The following GPR179 variants were observed in gnomAD, a reference collection of about 807,000 sequenced individuals.
GPR179 encodes the protein G protein-coupled receptor 179.
In GPR179, 52 loss-of-function variants were observed where a neutral mutation model predicts 70.8. That is an observed-to-expected ratio of 0.73 (90% CI 0.59 to 0.93). The LOEUF (loss-of-function observed/expected upper bound fraction) is 0.93. Among genes scored for constraint, GPR179 ranks in the 40% least tolerant of loss-of-function variants. GPR179 has a pLI of 0.00. For synonymous variants in GPR179, 1,123 were observed against 1,169.0 expected (o/e 0.96, Z 0.80); for missense variants, 2,734 against 2,966.8 (o/e 0.92, Z 1.82).
Position 38,328,435 on chromosome 17 carries a change from C to T in GPR179, c.5134G>A (p.Gly1712Arg), listed in dbSNP as rs751224516. 4 of 1,614,162 alleles carry T rather than the reference C, an allele frequency of 2.5e-6. No individual in the cohort carries two copies. The South Asian group carries it at 3.3e-5, about 13-fold the overall frequency. Residue 1712 changes from glycine to arginine, a missense_variant, in exon 11 of 11, where the codon GGA becomes AGA. By Grantham distance (125) the Gly-to-Arg change is moderately radical. Transcript: ENST00000616987. ...AEICPWEVGA[G>R]AGEERALGAE... ...CCCAAAGCCCTTTCCTCCCCTGCTC[C>T]AGCACCCACCTCCCAGGGACAGATT...
chr17:38,342,911 A>C, intron 1 of GPR179, 85 bp downstream of exon 1: 1 of 1,358,744 alleles, frequency 7.4e-7, no homozygotes, highest in Non-Finnish European at 1.0e-6. Flanking sequence ...GTTCGTGCCA[A>C]ATGGCCCAGG....
At chr17:38,342,861 T>G in intron 1 of GPR179, 135 bp downstream of exon 1, 1 of 819,832 alleles carries the variant, frequency 1.2e-6, no homozygotes, top group Non-Finnish European at 1.9e-6. Context: ...CACAGCTGAG[T>G]ACAAATACCC....
Position 38,331,055 on chromosome 17 carries a change from C to T in GPR179, c.2514G>A (p.Gln838=). The T allele has an allele frequency of 6.2e-7, 1 of 1,607,228 alleles. No homozygotes were observed. The highest frequency in any genetic ancestry group is 8.5e-7 in the Non-Finnish European group (1 of 1,179,902). The part of the protein sequence containing the change: ...RLPRARPASL[Q]KSLSVASSRE... Reference sequence around the variant, plus strand: ...TGGAGCTGGCCACACTGAGCGACTTCTGCAGAGAGGCGGGCCGGGCTCTGG... The same window carrying T: ...TGGAGCTGGCCACACTGAGCGACTTTTGCAGAGAGGCGGGCCGGGCTCTGG... Residue 838 remains glutamine (Q), a synonymous_variant, in exon 11 of 11, where the codon CAG becomes CAA. Coordinates refer to ENST00000616987, the MANE Select transcript of GPR179 (RefSeq NM_001004334.4).
At position 38,328,872 on chromosome 17, in the gene GPR179, C is replaced by A; in HGVS notation, c.4697G>T (p.Gly1566Val). ...KAGSQFLCNG[G>V]SRATQVCPQE... ...TGGACACACCTGCGTTGCTCTGCTT[C>A]CTCCATTGCATAGGAATTGGCTACC... Residue 1566 changes from glycine (G) to valine (V), a missense_variant, in exon 11 of 11, where the codon GGA becomes GTA. Physicochemically the swap from Gly to Val is moderately radical, Grantham distance 109 (BLOSUM62 -3). Coordinates refer to ENST00000616987, the MANE Select transcript of GPR179 (RefSeq NM_001004334.4). 6.2e-7 allele frequency: 1 copy of A among 1,613,766 alleles called. No homozygotes were observed. The highest frequency in any genetic ancestry group is 8.5e-7 in the Non-Finnish European group (1 of 1,179,954).
At position 38,331,466 on chromosome 17, in the gene GPR179, G is replaced by C; in HGVS notation, c.2103C>G (p.Asn701Lys). 1 of 1,614,108 alleles carries C rather than the reference G, an allele frequency of 6.2e-7. No individual in the cohort carries two copies. The highest frequency in any genetic ancestry group is 8.5e-7 in the Non-Finnish European group (1 of 1,179,950). Reference protein sequence around the residue: ...VHKTKEMAANNPHLPKKRGSS... With the variant: ...VHKTKEMAANKPHLPKKRGSS... ...TGCCTCGCTTCTTGGGCAGGTGGGG[G>C]TTGTTTGCGGCCATTTCCTTGGTTT... Residue 701 changes from asparagine (N) to lysine (K), a missense_variant, in exon 11 of 11, where the codon AAC (asparagine) becomes AAG (lysine). Transcript: ENST00000616987.
chr17:38,338,308 A>G (rs1289792393), intron 2 of GPR179, among the ~76,000 whole-genome samples: 2 of 152,250 alleles, frequency 1.3e-5, no homozygotes, highest in Non-Finnish European at 2.9e-5. Context: ...TTTGCCCGGC[A>G]GGGGACAGAG....
At position 38,335,120 on chromosome 17, in the gene GPR179, C is replaced by A. The variant is rs201283251; in HGVS notation, c.1558G>T (p.Ala520Ser). ...VGALERGIQH[A>S]PLVIRGHTPS... ...GTGTGGCCTCGGATCACCAGAGGTG[C>A]GTGCTGGATGCCTCGCTCCAGGGCG... is the stretch of plus-strand genomic sequence containing the variant. The change falls in exon 7 of 11, where the codon GCA (alanine) becomes TCA (serine). Residue 520 changes from alanine to serine, a missense_variant. Ala to Ser is a moderately conservative substitution (Grantham distance 99, BLOSUM62 1). Coordinates refer to ENST00000616987, the MANE Select transcript of GPR179 (RefSeq NM_001004334.4). The A allele has an allele frequency of 1.8e-4, 286 of 1,608,668 alleles. No individual in the cohort carries two copies. In the African/African-American group the frequency reaches 3.4e-3, roughly 19 times the overall value.
At chr17:38,332,235 G>GGCCT (rs2037366369) in intron 10 of GPR179, among the ~76,000 whole-genome samples, 1 of 152,132 alleles carries the variant, frequency 6.6e-6, no homozygotes, top group African/African-American at 2.4e-5. Flanking sequence ...CTGCTTTGTG[G>GGCCT]GCCTGTAAAC....
In GPR179 at chr17:38,334,779, G is replaced by T. The variant is rs373958918; in HGVS notation, c.1709C>A (p.Ala570Asp). 3 of 1,613,598 alleles carry T rather than the reference G, an allele frequency of 1.9e-6. No homozygotes were observed. Among genetic ancestry groups the T allele is most frequent in the Admixed American group, 3.3e-5 (2 of 60,006 alleles). The change falls in exon 8 of 11, where the codon GCC becomes GAC. Residue 570 changes from alanine to aspartate, a missense_variant. Coordinates refer to ENST00000616987, the MANE Select transcript of GPR179 (RefSeq NM_001004334.4). This position sits in a 1 kb window ranked among gnomAD's most constrained non-coding sequence, Gnocchi z 4.7. ...GCCCATGTAGCGTGGCTCATGGAAG[G>T]CCGAGAGCACAGCCCGTGTGGCGTA... ...LCYATRAVLS[A>D]FHEPRYMGIA...
chr17:38,340,882 C>T (rs1250418463), intron 1 of GPR179, among the ~76,000 whole-genome samples: 1 of 152,228 alleles, frequency 6.6e-6, no homozygotes, highest in African/African-American at 2.4e-5. Flanking sequence ...GGCGCCACTA[C>T]ACTTCAGCCT....
At position 38,329,878 on chromosome 17, in the gene GPR179, G is replaced by A; in HGVS notation, c.3691C>T (p.Gln1231Ter). The stretch of plus-strand genomic sequence containing the variant: ...CTGTGGTCAGCGCTGCCCAGGGACT[G>A]GAGGCCAGCTTTGGGCAGTTCCTGC... ...GWQELPKAGL[Q>*]SLGSADHRVA... The change falls in exon 11 of 11, where the codon CAG becomes TAG. Residue 1231 changes from glutamine to a stop codon, truncating the protein, a stop_gained. Transcript: ENST00000616987. LOFTEE classifies it low-confidence loss of function (END_TRUNC). The A allele has an allele frequency of 1.2e-6, 2 of 1,614,164 alleles. No homozygotes were observed. The highest frequency in any genetic ancestry group is 2.2e-5 in the East Asian group (1 of 44,888).
Position 38,329,063 on chromosome 17 carries a change from AAG to A in GPR179, c.4504_4505del (p.Leu1502SerfsTer57). On this transcript the variant is annotated frameshift_variant, in exon 11 of 11. Transcript: ENST00000616987. LOFTEE classifies it low-confidence loss of function (END_TRUNC). The part of the protein sequence containing the change: ...MLSLGTGRES[L>X]QEKEKASRKG... ...TTCTGGAGGCTTTTTCCTTTTCTTG[AAG>A]AGATTCTCTACCTGTCCCCAGACTC... 1.2e-6 allele frequency: 2 copies of A among 1,613,554 alleles called. No homozygotes were observed. The highest frequency in any genetic ancestry group is 1.7e-6 in the Non-Finnish European group (2 of 1,179,904).
At position 38,326,489 on chromosome 17, in the gene GPR179, A is replaced by C. The variant is rs58740367; in HGVS notation, c.7080T>G (p.Thr2360=). The change falls in exon 11 of 11, where the codon ACT becomes ACG. Residue 2360 remains threonine (T), a synonymous_variant. Transcript: ENST00000616987. The part of the protein sequence containing the change: ...EAQYEEFTPP[T]VYPWDWE ...GTTACTCCCAATCCCAAGGATAGAC[A>C]GTGGGAGGGGTGAATTCTTCATACT... 9.5e-3 allele frequency: 15,332 copies of C among 1,610,012 alleles called. 1,296 individuals carry two copies. The African/African-American group carries it at 0.18, about 19-fold the overall frequency.
Position 38,330,917 on chromosome 17 carries a change from C to T in GPR179, c.2652G>A (p.Arg884=), listed in dbSNP as rs2037351035. Residue 884 remains arginine (R), a synonymous_variant, in exon 11 of 11, where the codon CGG becomes CGA. Transcript: ENST00000616987. ...GCTCCAGCCTCCTGGCTGATGGCCT[C>T]CGCACCAGGCTGGCCATGGCTGCCT... The part of the protein sequence containing the change: ...KAKAAMASLV[R]RPSARRLERP... 10 of 1,607,342 alleles carry T rather than the reference C, an allele frequency of 6.2e-6. No homozygotes were observed. Among genetic ancestry groups the T allele is most frequent in the Non-Finnish European group, 8.5e-6 (10 of 1,177,440 alleles).
In GPR179 at chr17:38,343,294, C is replaced by T; in HGVS notation, c.496G>A (p.Ala166Thr). Residue 166 changes from alanine (A) to threonine (T), a missense_variant, in exon 1 of 11, where the codon GCC becomes ACC. Physicochemically the swap from Ala to Thr is moderately conservative, Grantham distance 58. Transcript: ENST00000616987. This position sits in a 1 kb window ranked among gnomAD's most constrained non-coding sequence, Gnocchi z 4.2. ...ATGGTTTCCTCCCCAGTCCGGGTGGCCTGCAGGGCCAGCTGTAGGTGGCTG... is the reference window on the plus strand; with the variant it reads ...ATGGTTTCCTCCCCAGTCCGGGTGGTCTGCAGGGCCAGCTGTAGGTGGCTG... ...GASHLQLALQATRTGEETILQ... is the reference protein window; with the variant it reads ...GASHLQLALQTTRTGEETILQ... The T allele has an allele frequency of 6.2e-7, 1 of 1,614,180 alleles. No homozygotes were observed. The highest frequency in any genetic ancestry group is 8.5e-7 in the Non-Finnish European group (1 of 1,180,020).
rs1290983704 is a variant in GPR179 at position 38,328,147 on chromosome 17, C to T, written c.5422G>A (p.Glu1808Lys). ...TTGGCTTTTTCACTGGTAGCAGCTT[C>T]CTGTGCTTCCCAGGGACACACTTCA... ...PGEVCPWEAQ[E>K]AATSEKAKIC... The change falls in exon 11 of 11, where the codon GAA becomes AAA. Residue 1808 changes from glutamate (E) to lysine (K), a missense_variant. Glu to Lys is a moderately conservative substitution (Grantham distance 56). Coordinates refer to ENST00000616987, the MANE Select transcript of GPR179 (RefSeq NM_001004334.4). 1.2e-6 allele frequency: 2 copies of T among 1,613,532 alleles called. No individual in the cohort carries two copies. The highest frequency in any genetic ancestry group is 1.7e-6 in the Non-Finnish European group (2 of 1,179,912).
chr17:38,337,712 G>T lies in GPR179; in HGVS notation c.912C>A (p.Pro304=), dbSNP rs751973975. ...LCDLNSTQCV[P]LESQGFVLGR... is the part of the protein sequence containing the mutation. ...CAAGAACAAAGCCCTGACTCTCCAGGGGGACACACTATGGGGACAACAAAC... is the reference window on the plus strand; with the variant it reads ...CAAGAACAAAGCCCTGACTCTCCAGTGGGACACACTATGGGGACAACAAAC... The change falls in exon 3 of 11, where the codon CCC becomes CCA. Residue 304 remains proline (P), a synonymous_variant. Coordinates refer to ENST00000616987, the MANE Select transcript of GPR179 (RefSeq NM_001004334.4). 6.2e-7 allele frequency: 1 copy of T among 1,613,236 alleles called. No homozygotes were observed. Among genetic ancestry groups the T allele is most frequent in the Non-Finnish European group, 8.5e-7 (1 of 1,179,636 alleles).
In GPR179 at chr17:38,330,490, C is replaced by G; in HGVS notation, c.3079G>C (p.Ala1027Pro). 1 of 1,552,764 alleles carries G rather than the reference C, an allele frequency of 6.4e-7. No individual in the cohort carries two copies. Among genetic ancestry groups the G allele is most frequent in the Non-Finnish European group, 8.7e-7 (1 of 1,148,216 alleles). ...ACAGAGAGGGCCCTCCAGAGCCTGG[C>G]TCGAGCTGGGGCAGGGGAGTGGTGG... ...RGHHSPAPAR[A>P]RLWRALSVAV... Residue 1027 changes from alanine (A) to proline (P), a missense_variant, in exon 11 of 11, where the codon GCC becomes CCC. Transcript: ENST00000616987.
Position 38,326,903 on chromosome 17 carries a change from G to A in GPR179, c.6666C>T (p.Cys2222=). The A allele has an allele frequency of 6.2e-7, 1 of 1,614,100 alleles. No homozygotes were observed. Among genetic ancestry groups the A allele is most frequent in the Non-Finnish European group, 8.5e-7 (1 of 1,180,014 alleles). ...GSMGSRMAEL[C]QWEITDPEGN... ...CTTCTGGATCTGTGATTTCCCATTG[G>A]CACAGCTCTGCCATCCTGCTTCCCA... is the stretch of plus-strand genomic sequence containing the variant. Residue 2222 remains cysteine, a synonymous_variant, in exon 11 of 11, where the codon TGC becomes TGT. Transcript: ENST00000616987.
Sources: gnomAD v4.1 joint callset for allele counts (sites outside exome capture counted in the v4.1 genomes callset) on GRCh38, gnomAD v4.1.1 for gene constraint, Gnocchi (gnomAD v3.1) non-coding constraint, MANE v1.5 for transcripts, NCBI Gene and HGNC (gene_info 2026-07-23, HGNC 2026-07-21) for gene names.